The following PRELID2 variants were observed in gnomAD, a reference collection of about 807,000 sequenced individuals.
PRELID2 encodes the protein PRELI domain containing 2, also known as PRELI domain-containing protein 2.
In PRELID2, 25 loss-of-function variants were observed where a neutral mutation model predicts 28.4. The observed-to-expected ratio is 0.88, with a 90% confidence interval of 0.64 to 1.23. The LOEUF is 1.23. PRELID2 is among the 50% of genes most tolerant of loss of function. The pLI is 0.00. For synonymous variants in PRELID2, 76 were observed against 71.6 expected (o/e 1.06, Z -0.31); for missense variants, 201 against 214.4 (o/e 0.94, Z 0.39).
the PRELID2 span, among the ~76,000 whole-genome samples, chr5:145,431,154 T>C: frequency 1.3e-5 from 2 of 151,420 alleles, no homozygotes; most frequent in Non-Finnish European, 2.9e-5. Flanking sequence ...TTTTTAAAAA[T>C]CAAAGATAAT....
the PRELID2 span, among the ~76,000 whole-genome samples, chr5:145,275,840 C>T: frequency 6.6e-6 from 1 of 152,118 alleles, no homozygotes; most frequent in South Asian, 2.1e-4. Flanking sequence ...CAGCTTGTGA[C>T]TTTTGGTGAG....
chr5:145,470,689 A>G (rs1288871922), downstream of PRELID2, among the ~76,000 whole-genome samples: 1 of 152,152 alleles, frequency 6.6e-6, no homozygotes, highest in Non-Finnish European at 1.5e-5. Flanking sequence ...CATGATATGA[A>G]TGACAGTCAA....
At chr5:145,404,503 C>A in the PRELID2 span, among the ~76,000 whole-genome samples, 1 of 152,188 alleles carries the variant, frequency 6.6e-6, no homozygotes, top group Non-Finnish European at 1.5e-5. Context: ...GGAAATATGT[C>A]CCTGCTCTCA....
At chr5:145,776,181 T>C (rs999419559) in intron 5 of PRELID2, among the ~76,000 whole-genome samples, 4 of 152,234 alleles carry the variant, frequency 2.6e-5, no homozygotes, top group African/African-American at 7.2e-5. Context: ...TTTTAGTGCA[T>C]GACATTCTGA....
the PRELID2 span, among the ~76,000 whole-genome samples, chr5:145,274,166 A>T: frequency 1.3e-5 from 2 of 152,156 alleles, no homozygotes; most frequent in Non-Finnish European, 2.9e-5. Flanking sequence ...GAAAAATTAT[A>T]CTTAGTACAT....
downstream of PRELID2, among the ~76,000 whole-genome samples, chr5:145,471,248 A>G (rs1462265251): frequency 1.3e-5 from 2 of 152,134 alleles, no homozygotes; most frequent in Non-Finnish European, 2.9e-5. Context: ...ACTGCCCATT[A>G]GCTGTACATT....
At chr5:145,827,626 T>C (rs1421993184) in intron 1 of PRELID2, among the ~76,000 whole-genome samples, 3 of 152,170 alleles carry the variant, frequency 2.0e-5, no homozygotes, top group Non-Finnish European at 2.9e-5. Flanking sequence ...AGCAACGGCA[T>C]AGTGAAGGTT....
chr5:145,240,345 A>G, the PRELID2 span, among the ~76,000 whole-genome samples: 12 of 152,076 alleles, frequency 7.9e-5, no homozygotes, highest in Non-Finnish European at 1.5e-4. Context: ...GCATTAACCA[A>G]TATTAACATT....
At chr5:145,306,389 T>A in the PRELID2 span, among the ~76,000 whole-genome samples, 1 of 152,266 alleles carries the variant, frequency 6.6e-6, no homozygotes, top group South Asian at 2.1e-4. Context: ...GAAATAAATA[T>A]TTTAAAGTTT....
chr5:145,291,331 G>A, the PRELID2 span, among the ~76,000 whole-genome samples: 1 of 90,988 alleles, frequency 1.1e-5, no homozygotes, highest in African/African-American at 5.6e-5. Flanking sequence ...GTGAGACTCT[G>A]TTTCAGAAAA....
intron 1 of PRELID2, among the ~76,000 whole-genome samples, chr5:145,713,971 T>C (rs1338145508): frequency 6.6e-6 from 1 of 151,696 alleles, no homozygotes; most frequent in Non-Finnish European, 1.5e-5. Flanking sequence ...AATAAGCACA[T>C]TTTCACATAA....
intron 1 of PRELID2, among the ~76,000 whole-genome samples, chr5:145,713,295 G>T (rs1436061557): frequency 1.4e-5 from 2 of 146,888 alleles, no homozygotes; most frequent in Non-Finnish European, 3.0e-5. Context: ...AGCCAAGGTG[G>T]TAAGTGAGAA....
At chr5:145,295,441 G>C in the PRELID2 span, among the ~76,000 whole-genome samples, 3 of 152,122 alleles carry the variant, frequency 2.0e-5, no homozygotes, top group Non-Finnish European at 4.4e-5. Flanking sequence ...CTGACTCATT[G>C]GAAAGTGGTG....
At chr5:145,399,687 T>C in the PRELID2 span, among the ~76,000 whole-genome samples, 1 of 152,138 alleles carries the variant, frequency 6.6e-6, no homozygotes, top group Non-Finnish European at 1.5e-5. Flanking sequence ...TCCGTTTTCA[T>C]GCTGCCGAGA....
intron 5 of PRELID2, among the ~76,000 whole-genome samples, chr5:145,779,687 G>A (rs2149792777): frequency 6.6e-6 from 1 of 152,208 alleles, no homozygotes; most frequent in Middle Eastern, 3.4e-3. Flanking sequence ...TTTATTGTGT[G>A]CCAAGGTATT....
intron 1 of PRELID2, among the ~76,000 whole-genome samples, chr5:145,509,080 GAGAT>G (rs1239083999): frequency 1.3e-5 from 2 of 152,208 alleles, no homozygotes; most frequent in Admixed American, 6.5e-5. Context: ...CAAGAGGTAA[GAGAT>G]AGAGTAGGTA....
chr5:145,386,361 G>A, the PRELID2 span, among the ~76,000 whole-genome samples: 1 of 152,042 alleles, frequency 6.6e-6, no homozygotes, highest in Non-Finnish European at 1.5e-5. Flanking sequence ...GATGAGATAC[G>A]GATGAAGACA....
intron 1 of PRELID2, among the ~76,000 whole-genome samples, chr5:145,655,480 T>C (rs961528042): frequency 1.3e-5 from 2 of 152,116 alleles, no homozygotes; most frequent in African/African-American, 2.4e-5. Flanking sequence ...GGAGGCATCA[T>C]GCTACCTGAC....
chr5:145,729,247 C>T (rs1037172282), intron 1 of PRELID2: 2 of 1,021,712 alleles, frequency 2.0e-6, no homozygotes, highest in Non-Finnish European at 3.0e-6. Context: ...AATGATGCTG[C>T]AAAAATTGCT....
Sources: gnomAD v4.1 joint callset for allele counts (sites outside exome capture counted in the v4.1 genomes callset) on GRCh38, gnomAD v4.1.1 for gene constraint, MANE v1.5 for transcripts, NCBI Gene and HGNC (gene_info 2026-07-23, HGNC 2026-07-21) for gene names.